The following THBS1 variants were observed in gnomAD, a reference collection of about 807,000 sequenced individuals.
The protein encoded by THBS1 is thrombospondin 1.
In THBS1, 29 loss-of-function variants were observed where a neutral mutation model predicts 126.1. The observed-to-expected ratio is 0.23, with a 90% CI of 0.17 to 0.31. THBS1 has a LOEUF of 0.31. THBS1 is among the 10% of genes least tolerant of loss of function. The pLI is 1.00. For synonymous variants in THBS1, 496 were observed against 577.8 expected (o/e 0.86, Z 2.03); for missense variants, 1,198 against 1,545.2 (o/e 0.78, Z 3.77).
At chr15:39,582,780 C>T (rs370253431) in intron 3 of THBS1, 28 bp downstream of exon 3, 156 of 1,575,376 alleles carry the variant, frequency 9.9e-5, no homozygotes, top group Middle Eastern at 1.8e-4. Flanking sequence ...AGCCCTGCTC[C>T]GTGGGATCAT....
Position 39,584,410 on chromosome 15 carries a change from G to C in THBS1, c.1014G>C (p.Glu338Asp). The change falls in exon 6 of 22, where the codon GAG becomes GAC. Residue 338 changes from glutamate to aspartate, a missense_variant. Physicochemically the swap from Glu to Asp is conservative, Grantham distance 45 (BLOSUM62 2). Coordinates refer to ENST00000260356, the MANE Select transcript of THBS1 (RefSeq NM_003246.4). ...AATGGACTGTTGATAGCTGCACTGA[G>C]TGTCACTGTCAGGTAAGGGACCTTC... ...NEEWTVDSCT[E>D]CHCQNSVTIC... 2 of 1,614,212 alleles carry C rather than the reference G, an allele frequency of 1.2e-6. No homozygotes were observed. Among genetic ancestry groups the C allele is most frequent in the Non-Finnish European group, 1.7e-6 (2 of 1,180,046 alleles).
Position 39,592,850 on chromosome 15 carries a change from G to T in THBS1, c.2767+48G>T. 1 of 1,583,864 alleles carries T rather than the reference G, an allele frequency of 6.3e-7. No individual in the cohort carries two copies. Among genetic ancestry groups the T allele is most frequent in the Middle Eastern group, 1.7e-4 (1 of 5,988 alleles). ...TAAGACAGGGACTGCTGGCACAGCT[G>T]TGTAGATTGAAGAAATGAAACCAAG... is the stretch of plus-strand genomic sequence containing the variant. On this transcript the variant is annotated intron_variant, in intron 17 of 21. Transcript: ENST00000260356. This position sits in a 1 kb window ranked among gnomAD's most constrained non-coding sequence, Gnocchi z 4.3.
At chr15:39,586,042 A>C (rs1464175258) in intron 7 of THBS1, among the ~76,000 whole-genome samples, 2 of 152,228 alleles carry the variant, frequency 1.3e-5, no homozygotes, top group Non-Finnish European at 2.9e-5. Context: ...GCTCTAGAGC[A>C]CCAAAAGAAA....
chr15:39,588,260 C>T (rs371310713), intron 9 of THBS1, 42 bp downstream of exon 9: 1 of 1,588,694 alleles, frequency 6.3e-7, no homozygotes, highest in African/African-American at 1.3e-5. Flanking sequence ...TGGGCAGCAG[C>T]TCTGCCCAGC....
chr15:39,582,183 T>TAGAC lies in THBS1; in HGVS notation c.68-10_68-9insAGAC. 6.3e-7 allele frequency: 1 copy of TAGAC among 1,583,384 alleles called. No homozygotes were observed. The highest frequency in any genetic ancestry group is 8.6e-7 in the Non-Finnish European group (1 of 1,164,258). On this transcript the variant is annotated splice_polypyrimidine_tract_variant and intron_variant, in intron 2 of 21. Coordinates refer to ENST00000260356, the MANE Select transcript of THBS1 (RefSeq NM_003246.4). ...AGAAAGCTCACTTTGTGTTCTCTCC[T>TAGAC]GTCTAACAGAGTCTGGCGGAGACAA...
chr15:39,589,449 CAAA>C lies in THBS1; in HGVS notation c.1926+103_1926+105del. ...AGGAATGTAATTTCATACCCTTCAC[CAAA>C]AAAAAAAGGGCGAGGAGATGAATGT... On this transcript the variant is annotated intron_variant, in intron 12 of 21. Transcript: ENST00000260356. The surrounding 1 kb of genome is among the most constrained non-coding windows in gnomAD (Gnocchi z 4.7). The C allele has an allele frequency of 1.7e-6, 2 of 1,148,502 alleles. No homozygotes were observed. The highest frequency in any genetic ancestry group is 1.6e-5 in the African/African-American group (1 of 60,832). 71.1% of individuals were successfully genotyped at this position (1,148,502 alleles called of 1,614,324 possible). A position where few individuals can be genotyped will look rare whatever the true frequency, so the allele number is the denominator to read the frequency against.
Position 39,593,593 on chromosome 15 carries a change from A to C in THBS1, c.3192A>C (p.Lys1064Asn). ...RAQGYSGLSVKVVNSTTGPGE... is the reference protein window; with the variant it reads ...RAQGYSGLSVNVVNSTTGPGE... ...AGGGATACTCGGGCCTTTCTGTGAA[A>C]GTTGTAAACTCCACCACAGGGCCTG... is the stretch of plus-strand genomic sequence containing the variant. The change falls in exon 19 of 22, where the codon AAA (lysine) becomes AAC (asparagine). Residue 1064 changes from lysine to asparagine, a missense_variant. By Grantham distance (94) the Lys-to-Asn change is moderately conservative. Transcript: ENST00000260356. The surrounding 1 kb of genome is among the most constrained non-coding windows in gnomAD (Gnocchi z 5.9). The C allele has an allele frequency of 6.2e-7, 1 of 1,614,214 alleles. No homozygotes were observed. The highest frequency in any genetic ancestry group is 1.3e-5 in the African/African-American group (1 of 75,050).
chr15:39,589,328 G>A lies in THBS1; in HGVS notation c.1900G>A (p.Val634Ile), dbSNP rs1265095946. Residue 634 changes from valine (V) to isoleucine (I), a missense_variant, in exon 12 of 22, where the codon GTC becomes ATC. Physicochemically the swap from Val to Ile is conservative, Grantham distance 29. Coordinates refer to ENST00000260356, the MANE Select transcript of THBS1 (RefSeq NM_003246.4). This position sits in a 1 kb window ranked among gnomAD's most constrained non-coding sequence, Gnocchi z 4.7. Reference protein sequence around the residue: ...FTGSQPFGQGVEHATANKQVC... With the variant: ...FTGSQPFGQGIEHATANKQVC... ...CGGCTCACAGCCCTTCGGCCAGGGT[G>A]TCGAACATGCCACGGCCAACAAACA... The A allele has an allele frequency of 6.2e-7, 1 of 1,614,052 alleles. No homozygotes were observed. The highest frequency in any genetic ancestry group is 8.5e-7 in the Non-Finnish European group (1 of 1,180,026).
At chr15:39,583,384 G>A (rs1202350357) in intron 3 of THBS1, among the ~76,000 whole-genome samples, 2 of 152,188 alleles carry the variant, frequency 1.3e-5, no homozygotes, top group African/African-American at 4.8e-5. Flanking sequence ...CAAGTAGGCT[G>A]ATAACTGAAT....
chr15:39,595,889 G>T lies in THBS1; in HGVS notation c.*520G>T, dbSNP rs1350022011. The T allele has an allele frequency of 2.2e-6, 1 of 456,312 alleles. No homozygotes were observed. Among genetic ancestry groups the T allele is most frequent in the East Asian group, 6.9e-5 (1 of 14,402 alleles). 28.3% of individuals were successfully genotyped at this position (456,312 alleles called of 1,614,324 possible). Reference sequence around the variant, plus strand: ...AGAAAATATGGAGGAACTGTTACATGTTCGGTACTAAGTCATTTTCAGGGG... The same window carrying T: ...AGAAAATATGGAGGAACTGTTACATTTTCGGTACTAAGTCATTTTCAGGGG... On this transcript the variant is annotated 3_prime_UTR_variant, in exon 22 of 22. Coordinates refer to ENST00000260356, the MANE Select transcript of THBS1 (RefSeq NM_003246.4).
rs959014593 is a variant in THBS1 at position 39,592,306 on chromosome 15, A to C, written c.2533-262A>C. Among the ~76,000 whole-genome samples the C allele has an allele frequency of 6.6e-6, 1 of 152,212 alleles. No homozygotes were observed. Among genetic ancestry groups the C allele is most frequent in the Admixed American group, 6.5e-5 (1 of 15,288 alleles). ...TAGTAATTAAATATCACTCTATTTG[A>C]CCTTATTTAGAAAGTTTTATATGTA... is the stretch of plus-strand genomic sequence containing the variant. On this transcript the variant is annotated intron_variant, in intron 16 of 21. Transcript: ENST00000260356. This position sits in a 1 kb window ranked among gnomAD's most constrained non-coding sequence, Gnocchi z 4.3.
At chr15:39,585,869 G>A (rs1177452911) in intron 7 of THBS1, among the ~76,000 whole-genome samples, 1 of 152,196 alleles carries the variant, frequency 6.6e-6, no homozygotes, top group African/African-American at 2.4e-5. Flanking sequence ...GCTCTAAGTT[G>A]ACTGCTTTTA....
rs960917884 is a variant in THBS1 at position 39,594,662 on chromosome 15, T to C, written c.3505+222T>C. Among the ~76,000 whole-genome samples the C allele has an allele frequency of 6.6e-6, 1 of 152,254 alleles. No individual in the cohort carries two copies. Among genetic ancestry groups the C allele is most frequent in the Non-Finnish European group, 1.5e-5 (1 of 68,050 alleles). ...TAATATTAGTTTGCTTAGCAATCTCTGTGCTCCTCATACACAGTGCAAAGG... is the reference window on the plus strand; with the variant it reads ...TAATATTAGTTTGCTTAGCAATCTCCGTGCTCCTCATACACAGTGCAAAGG... On this transcript the variant is annotated intron_variant, in intron 21 of 21. Coordinates refer to ENST00000260356, the MANE Select transcript of THBS1 (RefSeq NM_003246.4). This position sits in a 1 kb window ranked among gnomAD's most constrained non-coding sequence, Gnocchi z 4.4.
chr15:39,585,100 C>CG (rs140556360), intron 6 of THBS1, among the ~76,000 whole-genome samples: 3,560 of 152,230 alleles, frequency 0.023, 128 homozygotes, highest in African/African-American at 0.082. Flanking sequence ...CTTCCTCCCC[C>CG]CAAACACATA....
At position 39,590,568 on chromosome 15, in the gene THBS1, G is replaced by A; in HGVS notation, c.2198G>A (p.Gly733Glu). 1 of 1,613,980 alleles carries A rather than the reference G, an allele frequency of 6.2e-7. No homozygotes were observed. Among genetic ancestry groups the A allele is most frequent in the Non-Finnish European group, 8.5e-7 (1 of 1,179,984 alleles). ...GGGCAGGAAGACTATGACAAGGATG[G>A]AATTGGTGATGCCTGTGATGATGAC... ...NSGQEDYDKD[G>E]IGDACDDDDD... Residue 733 changes from glycine (G) to glutamate (E), a missense_variant, in exon 14 of 22, where the codon GGA becomes GAA. Transcript: ENST00000260356.
In THBS1 at chr15:39,594,102, C is replaced by G. The variant is rs762068138; in HGVS notation, c.3271C>G (p.Arg1091Gly). The stretch of plus-strand genomic sequence containing the variant: ...TTTCCTTTTCCTTTTCCTTCAGGTG[C>G]GCACCCTGTGGCATGACCCTCGTCA... ...WHTGNTPGQV[R>G]TLWHDPRHIG... is the part of the protein sequence containing the mutation. The change falls in exon 20 of 22, where the codon CGC becomes GGC. Residue 1091 changes from arginine to glycine, a missense_variant. Transcript: ENST00000260356. The surrounding 1 kb of genome is among the most constrained non-coding windows in gnomAD (Gnocchi z 4.4). 6.2e-7 allele frequency: 1 copy of G among 1,613,192 alleles called. No individual in the cohort carries two copies. The highest frequency in any genetic ancestry group is 8.5e-7 in the Non-Finnish European group (1 of 1,179,564).
chr15:39,582,662 G>T lies in THBS1; in HGVS notation c.537G>T (p.Leu179Phe). 3 of 1,613,770 alleles carry T rather than the reference G, an allele frequency of 1.9e-6. No homozygotes were observed. Among genetic ancestry groups the T allele is most frequent in the Non-Finnish European group, 2.5e-6 (3 of 1,180,048 alleles). Residue 179 changes from leucine to phenylalanine, a missense_variant, in exon 3 of 22, where the codon TTG (leucine) becomes TTT (phenylalanine). Transcript: ENST00000260356. ...IDCEKMENAE[L>F]DVPIQSVFTR... ...GTGAAAAGATGGAGAATGCTGAGTT[G>T]GACGTCCCCATCCAAAGCGTCTTCA... is the stretch of plus-strand genomic sequence containing the variant.
rs770399724 is a variant in THBS1, at chr15:39,593,082, T to G, written c.2850T>G (p.Val950=). 2 of 1,600,632 alleles carry G rather than the reference T, an allele frequency of 1.2e-6. No homozygotes were observed. Among genetic ancestry groups the G allele is most frequent in the South Asian group, 2.3e-5 (2 of 88,210 alleles). The stretch of plus-strand genomic sequence containing the variant: ...TCGATGACATCTGTCCTGAGAATGT[T>G]GACATCAGTGAGACCGATTTCCGCC... The part of the protein sequence containing the change: ...PDIDDICPEN[V]DISETDFRRF... Residue 950 remains valine (V), a synonymous_variant, in exon 18 of 22, where the codon GTT becomes GTG. Coordinates refer to ENST00000260356, the MANE Select transcript of THBS1 (RefSeq NM_003246.4). This position sits in a 1 kb window ranked among gnomAD's most constrained non-coding sequence, Gnocchi z 5.9.
rs1240964374 is a variant in THBS1 at position 39,591,334 on chromosome 15, A to G, written c.2397A>G (p.Ala799=). ...ATGGGGAAGGAGACGCCTGTGCTGC[A>G]GACATTGATGGAGACGGTAAGGTGC... ...DNNGEGDACA[A]DIDGDGILNE... Residue 799 remains alanine, a synonymous_variant, in exon 15 of 22, where the codon GCA becomes GCG. Transcript: ENST00000260356. 5.6e-6 allele frequency: 9 copies of G among 1,614,074 alleles called. No homozygotes were observed. In the East Asian group the frequency reaches 2.0e-4, roughly 36 times the overall value.
Sources: gnomAD v4.1 joint callset for allele counts (sites outside exome capture counted in the v4.1 genomes callset) on GRCh38, gnomAD v4.1.1 for gene constraint, Gnocchi (gnomAD v3.1) non-coding constraint, MANE v1.5 for transcripts, NCBI Gene and HGNC (gene_info 2026-07-23, HGNC 2026-07-21) for gene names.